The following PARPBP variants were observed in gnomAD, a reference collection of about 807,000 sequenced individuals.
PARPBP encodes PCNA-interacting partner.
In PARPBP, 52 loss-of-function variants were observed where a neutral mutation model predicts 50.0. The ratio of observed to expected loss-of-function variants is 1.04; its 90% CI spans 0.83 to 1.31. The LOEUF (loss-of-function observed/expected upper bound fraction) is 1.31, where lower values mean the gene tolerates loss of function less well. Among genes scored for constraint, PARPBP ranks in the 50% most tolerant of loss-of-function variants. The pLI is 0.00. For missense variants in PARPBP, 697 were observed against 672.0 expected (o/e 1.04, Z -0.41); for synonymous variants, 244 against 232.1 (o/e 1.05, Z -0.47).
At chr12:102,190,377 A>C (rs1170522099) in intron 9 of PARPBP, among the ~76,000 whole-genome samples, 3 of 152,166 alleles carry the variant, frequency 2.0e-5, no homozygotes, top group Non-Finnish European at 4.4e-5. Context: ...AAAACAGACA[A>C]ACCTTCCTGC....
chr12:102,194,616 G>T lies in PARPBP; in HGVS notation c.1264-696G>T, dbSNP rs183004950. Among the ~76,000 whole-genome samples the T allele has an allele frequency of 2.0e-5, 3 of 151,936 alleles. No homozygotes were observed. In the East Asian group the frequency reaches 5.8e-4, roughly 29 times the overall value. On this transcript the variant is annotated intron_variant, in intron 9 of 10. Transcript: ENST00000327680. The stretch of plus-strand genomic sequence containing the variant: ...ATCTTTGTAATTTTCTCCTATTTAT[G>T]TAGAAAGTTAGGCCCTCCTATTTGA...
intron 4 of PARPBP, among the ~76,000 whole-genome samples, chr12:102,163,523 A>AT (rs975047045): frequency 5.3e-5 from 8 of 152,014 alleles, no homozygotes; most frequent in African/African-American, 1.9e-4. Context: ...GTATTCATGT[A>AT]TTTTTTCTAC....
rs563709145 is a variant in PARPBP, at chr12:102,163,561, A to G, written c.496-877A>G. ...TTTTCACTTCTCTTCAGGGATTCCA[A>G]TTACGTGTATGTTTGACCTCTTAAA... On this transcript the variant is annotated intron_variant, in intron 4 of 10. Transcript: ENST00000327680. Among the ~76,000 whole-genome samples the G allele has an allele frequency of 5.9e-5, 9 of 152,242 alleles. No homozygotes were observed. In the South Asian group the frequency reaches 1.5e-3, roughly 25 times the overall value.
chr12:102,151,074 A>G (rs1225059316), intron 3 of PARPBP, among the ~76,000 whole-genome samples: 1 of 151,566 alleles, frequency 6.6e-6, no homozygotes, highest in African/African-American at 2.4e-5. Context: ...ACAACACACC[A>G]TTTAAGGGTT....
At chr12:102,139,603 G>A (rs1226980862) in intron 2 of PARPBP, among the ~76,000 whole-genome samples, 1 of 152,218 alleles carries the variant, frequency 6.6e-6, no homozygotes, top group Non-Finnish European at 1.5e-5. Context: ...CATTCAGTAT[G>A]ATATTGGCTG....
At chr12:102,170,136 C>T (rs1346188424) in intron 6 of PARPBP, among the ~76,000 whole-genome samples, 1 of 152,192 alleles carries the variant, frequency 6.6e-6, no homozygotes, top group Non-Finnish European at 1.5e-5. Context: ...GCATAGTGTA[C>T]TTTCACCTGA....
intron 9 of PARPBP, among the ~76,000 whole-genome samples, chr12:102,182,982 A>T (rs1221532067): frequency 3.9e-5 from 6 of 152,192 alleles, no homozygotes; most frequent in Admixed American, 3.9e-4. Flanking sequence ...AAGATATGTG[A>T]TTTTAAATTT....
intron 2 of PARPBP, among the ~76,000 whole-genome samples, chr12:102,133,367 T>C (rs1350583794): frequency 6.6e-6 from 1 of 151,278 alleles, no homozygotes; most frequent in African/African-American, 2.4e-5. Context: ...ATATTTAATT[T>C]TGTCAGATGT....
At chr12:102,191,361 A>C (rs1159081289) in intron 9 of PARPBP, among the ~76,000 whole-genome samples, 1 of 152,188 alleles carries the variant, frequency 6.6e-6, no homozygotes, top group Non-Finnish European at 1.5e-5. Context: ...GGATTATTTG[A>C]TTTATATACA....
At chr12:102,133,016 A>G (rs956156371) in intron 2 of PARPBP, among the ~76,000 whole-genome samples, 10 of 152,138 alleles carry the variant, frequency 6.6e-5, no homozygotes, top group African/African-American at 2.4e-4. Flanking sequence ...TTGCCACTTT[A>G]CACAATTTGT....
chr12:102,120,677 C>T (rs1880886672), intron 1 of PARPBP, among the ~76,000 whole-genome samples: 1 of 152,184 alleles, frequency 6.6e-6, no homozygotes, highest in African/African-American at 2.4e-5. Flanking sequence ...CACTCGAACA[C>T]TGATAATGAT....
intron 2 of PARPBP, among the ~76,000 whole-genome samples, chr12:102,142,766 C>CTT (rs1237066246): frequency 6.6e-6 from 1 of 152,232 alleles, no homozygotes; most frequent in African/African-American, 2.4e-5. Flanking sequence ...ACTCCAGACT[C>CTT]TGTTTGCCTG....
intron 3 of PARPBP, among the ~76,000 whole-genome samples, chr12:102,151,344 A>G (rs1372741416): frequency 6.6e-6 from 1 of 152,192 alleles, no homozygotes; most frequent in African/African-American, 2.4e-5. Flanking sequence ...GGGTGCTGCA[A>G]CTACCCACGG....
At chr12:102,176,605 T>C (rs1000555509) in intron 7 of PARPBP, among the ~76,000 whole-genome samples, 3 of 152,228 alleles carry the variant, frequency 2.0e-5, no homozygotes, top group Admixed American at 1.3e-4. Context: ...ACTGTGTTTT[T>C]AGAACAGAAT....
intron 2 of PARPBP, among the ~76,000 whole-genome samples, chr12:102,128,986 T>G (rs544218462): frequency 1.4e-3 from 214 of 152,322 alleles, no homozygotes; most frequent in Non-Finnish European, 2.6e-3. Context: ...ATCTTTTCAA[T>G]AATGGCCATT....
intron 4 of PARPBP, among the ~76,000 whole-genome samples, chr12:102,157,601 C>G (rs1026689242): frequency 1.3e-5 from 2 of 152,078 alleles, no homozygotes; most frequent in African/African-American, 2.4e-5. Flanking sequence ...TTAACTGATG[C>G]AGAGTATTTC....
chr12:102,124,292 A>G (rs1027479165), intron 2 of PARPBP, among the ~76,000 whole-genome samples: 1 of 152,194 alleles, frequency 6.6e-6, no homozygotes, highest in Admixed American at 6.5e-5. Context: ...GTTTAATAGG[A>G]AGATTTAGGA....
intron 9 of PARPBP, among the ~76,000 whole-genome samples, chr12:102,186,767 A>G (rs1197418465): frequency 6.6e-6 from 1 of 152,158 alleles, no homozygotes; most frequent in East Asian, 1.9e-4. Flanking sequence ...TGTTTATAGC[A>G]TATTATATTG....
intron 4 of PARPBP, among the ~76,000 whole-genome samples, chr12:102,160,814 G>A (rs181233406): frequency 1.3e-5 from 2 of 151,912 alleles, no homozygotes; most frequent in African/African-American, 4.8e-5. Context: ...CAGGCGTGGC[G>A]GCACATGCCT....
Sources: gnomAD v4.1 joint callset for allele counts (sites outside exome capture counted in the v4.1 genomes callset) on GRCh38, gnomAD v4.1.1 for gene constraint, MANE v1.5 for transcripts, NCBI Gene and HGNC (gene_info 2026-07-23, HGNC 2026-07-21) for gene names.